Variants in OSBPL10 observed in about 807,000 individuals in gnomAD.
OSBPL10 encodes oxysterol-binding protein-related protein 10.
In OSBPL10, 49 loss-of-function variants were observed where a neutral mutation model predicts 81.7. The ratio of observed to expected loss-of-function variants is 0.60; its 90% confidence interval spans 0.48 to 0.76. OSBPL10 has a LOEUF of 0.76. Among genes scored for constraint, OSBPL10 ranks in the 30% least tolerant of loss-of-function variants. The pLI is 0.00. For missense variants in OSBPL10, 923 were observed against 987.8 expected (o/e 0.93, Z 0.88); for synonymous variants, 419 against 383.6 (o/e 1.09, Z -1.08).
intron 5 of OSBPL10, among the ~76,000 whole-genome samples, chr3:31,745,100 C>A (rs1697480608): frequency 6.6e-6 from 1 of 152,122 alleles, no homozygotes; most frequent in South Asian, 2.1e-4. Context: ...AGCTGAGAAG[C>A]AAGAGGAAAG....
chr3:31,773,017 G>A (rs764374154), intron 4 of OSBPL10, among the ~76,000 whole-genome samples: 3 of 105,508 alleles, frequency 2.8e-5, no homozygotes, highest in Non-Finnish European at 6.2e-5. Context: ...TTTTTTTTTT[G>A]GCTTTCAGTC....
intron 1 of OSBPL10, among the ~76,000 whole-genome samples, chr3:31,907,671 G>C (rs957736859): frequency 7.4e-6 from 1 of 134,558 alleles, no homozygotes; most frequent in Non-Finnish European, 1.6e-5. Context: ...TCTCTCCATT[G>C]TCTCATAACT....
intron 1 of OSBPL10, among the ~76,000 whole-genome samples, chr3:31,920,985 TA>T (rs1341120733): frequency 6.6e-6 from 1 of 152,130 alleles, no homozygotes; most frequent in Non-Finnish European, 1.5e-5. Flanking sequence ...TTATTTAAAA[TA>T]AATTACCCAG....
chr3:31,775,611 T>C (rs183862198), intron 4 of OSBPL10, among the ~76,000 whole-genome samples: 48 of 152,130 alleles, frequency 3.2e-4, no homozygotes, highest in Middle Eastern at 3.4e-3. Flanking sequence ...TCACCAAAAT[T>C]ATGATAGGGC....
At position 31,890,899 on chromosome 3, in the gene OSBPL10, T is replaced by C. The variant is rs568604826; in HGVS notation, c.282-11069A>G. On this transcript the variant is annotated intron_variant, in intron 1 of 11. Transcript: ENST00000396556. ...AGTCCTGATTCACGTCTCTGCTTTG[T>C]ACTATAACACACCCATCCTGAAAGT... Among the ~76,000 whole-genome samples, 5 of 152,246 alleles carry C rather than the reference T, an allele frequency of 3.3e-5. No individual in the cohort carries two copies. The East Asian group carries it at 5.8e-4, about 18-fold the overall frequency.
At chr3:31,844,900 C>G (rs908785738) in intron 3 of OSBPL10, among the ~76,000 whole-genome samples, 1 of 152,064 alleles carries the variant, frequency 6.6e-6, no homozygotes, top group Non-Finnish European at 1.5e-5. Flanking sequence ...ATAGCAAGAC[C>G]CCATCTCTAC....
chr3:31,976,464 T>A (rs1455379095), intron 1 of OSBPL10, among the ~76,000 whole-genome samples: 17 of 152,192 alleles, frequency 1.1e-4, no homozygotes, highest in Admixed American at 1.1e-3. Flanking sequence ...AATAAATGTC[T>A]ACTTTAGAGA....
chr3:31,711,561 G>A (rs962634945), intron 6 of OSBPL10, among the ~76,000 whole-genome samples: 1 of 152,154 alleles, frequency 6.6e-6, no homozygotes, highest in Admixed American at 6.5e-5. Flanking sequence ...AGAAAGCATG[G>A]GAAACTTGAG....
intron 4 of OSBPL10, among the ~76,000 whole-genome samples, chr3:31,777,003 T>C (rs1246849730): frequency 6.6e-6 from 1 of 152,148 alleles, no homozygotes; most frequent in Admixed American, 6.5e-5. Context: ...AATCAAGAAA[T>C]TCTTTACCCA....
At chr3:31,763,011 G>A (rs1698098526) in intron 4 of OSBPL10, among the ~76,000 whole-genome samples, 1 of 152,004 alleles carries the variant, frequency 6.6e-6, no homozygotes, top group Non-Finnish European at 1.5e-5. Flanking sequence ...AAGACGCTTG[G>A]GAGCAAGCTG....
At chr3:31,872,194 G>T (rs1423233105) in intron 3 of OSBPL10, among the ~76,000 whole-genome samples, 1 of 152,190 alleles carries the variant, frequency 6.6e-6, no homozygotes, top group Non-Finnish European at 1.5e-5. Context: ...TTGTCTGTTT[G>T]TCAGTTTCTG....
At chr3:32,036,437 C>G (rs545053913) in intron 2 of OSBPL10, among the ~76,000 whole-genome samples, 1 of 152,316 alleles carries the variant, frequency 6.6e-6, no homozygotes, top group Admixed American at 6.5e-5. Flanking sequence ...GACCTATAAT[C>G]CACCTAACTC....
At chr3:32,034,264 G>T (rs1189974551) in intron 2 of OSBPL10, among the ~76,000 whole-genome samples, 2 of 151,826 alleles carry the variant, frequency 1.3e-5, no homozygotes, top group South Asian at 2.1e-4. Flanking sequence ...ATATTAGCAA[G>T]ACTCCATCTC....
At chr3:31,709,784 C>T (rs1427379834) in intron 6 of OSBPL10, among the ~76,000 whole-genome samples, 1 of 152,148 alleles carries the variant, frequency 6.6e-6, no homozygotes, top group Non-Finnish European at 1.5e-5. Context: ...CCTGGAAAAG[C>T]AGGGAAAGGG....
intron 7 of OSBPL10, among the ~76,000 whole-genome samples, chr3:31,699,776 T>A (rs955628977): frequency 1.3e-5 from 2 of 152,176 alleles, no homozygotes; most frequent in Non-Finnish European, 2.9e-5. Flanking sequence ...TGGTAATGAC[T>A]CACAAATGTG....
intron 4 of OSBPL10, among the ~76,000 whole-genome samples, chr3:31,792,357 G>A (rs1035397205): frequency 2.0e-5 from 3 of 152,008 alleles, no homozygotes; most frequent in African/African-American, 7.3e-5. Flanking sequence ...AATAATTATC[G>A]AGTTGTAAAA....
chr3:31,716,646 G>A (rs1235893783), intron 6 of OSBPL10, among the ~76,000 whole-genome samples: 3 of 152,208 alleles, frequency 2.0e-5, no homozygotes, highest in Non-Finnish European at 2.9e-5. Context: ...TAGGCGGCCA[G>A]TGAGGAGACG....
Position 31,890,323 on chromosome 3 carries a change from G to A in OSBPL10, c.282-10493C>T, listed in dbSNP as rs180673065. Among the ~76,000 whole-genome samples the A allele has an allele frequency of 5.3e-5, 8 of 151,800 alleles. No homozygotes were observed. In the East Asian group the frequency reaches 1.5e-3, roughly 29 times the overall value. On this transcript the variant is annotated intron_variant, in intron 1 of 11. Transcript: ENST00000396556. The stretch of plus-strand genomic sequence containing the variant: ...CTTAGTCAAAAACAGCCAAACCCCA[G>A]CTTTCCTAAATCACAGCAGCCCAGA...
chr3:31,943,563 T>C (rs1559526917), intron 1 of OSBPL10, among the ~76,000 whole-genome samples: 1 of 152,340 alleles, frequency 6.6e-6, no homozygotes, highest in East Asian at 1.9e-4. Context: ...CTTAAAATCT[T>C]ACTGTCTAGT....
Sources: gnomAD v4.1 joint callset for allele counts (sites outside exome capture counted in the v4.1 genomes callset) on GRCh38, gnomAD v4.1.1 for gene constraint, MANE v1.5 for transcripts, NCBI Gene and HGNC (gene_info 2026-07-23, HGNC 2026-07-21) for gene names.